Variants in CDC73 observed in about 807,000 individuals in gnomAD.
CDC73 encodes the protein parafibromin.
CDC73 carries 21 observed loss-of-function variants against 83.7 expected under a neutral mutation model. The ratio of observed to expected loss-of-function variants is 0.25; its 90% CI spans 0.18 to 0.36. The LOEUF is 0.36. CDC73 is among the 10% of genes least tolerant of loss of function. The pLI is 1.00. For synonymous variants in CDC73, 224 were observed against 212.9 expected, an observed-to-expected ratio of 1.05 and a Z score of -0.45; for missense variants, 342 against 653.3, an observed-to-expected ratio of 0.52 and a Z score of 5.19.
At position 193,181,196 on chromosome 1, in the gene CDC73, A is replaced by C. The variant is rs41265203; in HGVS notation, c.973-22599A>C. ...GGATGTCCAGTACCTTTTTCATTGTAAATACTTCCATTGGCACTAAGTGTA... is the reference window on the plus strand; with the variant it reads ...GGATGTCCAGTACCTTTTTCATTGTCAATACTTCCATTGGCACTAAGTGTA... On this transcript the variant is annotated intron_variant, in intron 10 of 16. Transcript: ENST00000367435. 2.4e-3 allele frequency: 3,843 copies of C among 1,613,784 alleles called. 6 individuals are homozygous for C. The highest frequency in any genetic ancestry group is 3.0e-3 in the Non-Finnish European group (3,498 of 1,179,874).
At chr1:193,168,086 C>T (rs953114864) in intron 10 of CDC73, among the ~76,000 whole-genome samples, 2 of 152,024 alleles carry the variant, frequency 1.3e-5, no homozygotes, top group African/African-American at 2.4e-5. Context: ...GTCCCAAACT[C>T]CTGACCTCAA....
At chr1:193,177,072 C>T (rs1420429307) in intron 10 of CDC73, among the ~76,000 whole-genome samples, 3 of 151,954 alleles carry the variant, frequency 2.0e-5, no homozygotes, top group African/African-American at 7.3e-5. Context: ...AGGTGCCCCT[C>T]CAGTGTGTGA....
At chr1:193,210,900 G>T (rs1245719420) in intron 11 of CDC73, among the ~76,000 whole-genome samples, 1 of 152,060 alleles carries the variant, frequency 6.6e-6, no homozygotes, top group African/African-American at 2.4e-5. Flanking sequence ...AAAAATAAAA[G>T]GAATCTTTTA....
At chr1:193,218,228 A>G (rs1230969698) in intron 13 of CDC73, among the ~76,000 whole-genome samples, 2 of 152,180 alleles carry the variant, frequency 1.3e-5, no homozygotes, top group East Asian at 1.9e-4. Context: ...GATCTCTACA[A>G]TGAGAATTAC....
intron 13 of CDC73, among the ~76,000 whole-genome samples, chr1:193,225,113 T>TA (rs1677543807): frequency 6.6e-6 from 1 of 151,974 alleles, no homozygotes; most frequent in African/African-American, 2.4e-5. Flanking sequence ...AGCTCCCACT[T>TA]ACAAATGAGA....
At chr1:193,202,743 GA>G (rs1477432614) in intron 10 of CDC73, among the ~76,000 whole-genome samples, 8 of 151,218 alleles carry the variant, frequency 5.3e-5, no homozygotes, top group African/African-American at 1.9e-4. Context: ...GTATTGAAGT[GA>G]AAGTCTTTTT....
chr1:193,169,684 G>C (rs1371719331), intron 10 of CDC73, among the ~76,000 whole-genome samples: 3 of 152,156 alleles, frequency 2.0e-5, no homozygotes, highest in African/African-American at 7.2e-5. Context: ...TGATGAATTT[G>C]GATTTTATAA....
chr1:193,161,139 A>G (rs1460740591), intron 10 of CDC73: 1 of 175,872 alleles, frequency 5.7e-6, no homozygotes, highest in East Asian at 9.7e-5. Context: ...TTCTTGATGG[A>G]TGTTTCTTTT....
intron 10 of CDC73, among the ~76,000 whole-genome samples, chr1:193,194,545 A>G (rs1000195192): frequency 6.6e-6 from 1 of 152,166 alleles, no homozygotes; most frequent in African/African-American, 2.4e-5. Context: ...TGCCAGTTTT[A>G]AATGAACATA....
At chr1:193,210,974 A>G (rs1481078441) in intron 11 of CDC73, among the ~76,000 whole-genome samples, 1 of 152,206 alleles carries the variant, frequency 6.6e-6, no homozygotes, top group South Asian at 2.1e-4. Context: ...CGCACTTCGC[A>G]CAGTAGTATT....
At chr1:193,173,374 CT>C (rs912276717) in intron 10 of CDC73, among the ~76,000 whole-genome samples, 1 of 151,916 alleles carries the variant, frequency 6.6e-6, no homozygotes, top group African/African-American at 2.4e-5. Flanking sequence ...CCACCTCTTC[CT>C]TTTTTTTCTA....
intron 13 of CDC73, among the ~76,000 whole-genome samples, chr1:193,213,700 AT>A: frequency 6.6e-6 from 1 of 152,254 alleles, no homozygotes; most frequent in East Asian, 1.9e-4. Context: ...TGATTATTTA[AT>A]TTTGGTATTT....
At chr1:193,187,221 G>T (rs1676829537) in intron 10 of CDC73, among the ~76,000 whole-genome samples, 1 of 149,700 alleles carries the variant, frequency 6.7e-6, no homozygotes, top group African/African-American at 2.5e-5. Context: ...GTTCTTGATG[G>T]CAGAAAACTT....
intron 13 of CDC73, among the ~76,000 whole-genome samples, chr1:193,231,192 T>G (rs970304290): frequency 6.6e-6 from 1 of 152,190 alleles, no homozygotes; most frequent in Admixed American, 6.5e-5. Context: ...TAAGTAATTT[T>G]GTACAAGTAA....
At chr1:193,183,821 T>C (rs148527808) in intron 10 of CDC73, among the ~76,000 whole-genome samples, 1,855 of 152,038 alleles carry the variant, frequency 0.012, 19 homozygotes, top group South Asian at 0.034. Context: ...GATATGATAA[T>C]ACTTGGAATC....
At chr1:193,140,256 T>C (rs538006386) in intron 6 of CDC73, among the ~76,000 whole-genome samples, 1 of 152,316 alleles carries the variant, frequency 6.6e-6, no homozygotes, top group South Asian at 2.1e-4. Context: ...AACCATTGTT[T>C]TATGTATTTT....
In CDC73 at chr1:193,150,327, G is replaced by A. The variant is rs773602413; in HGVS notation, c.852G>A (p.Gln284=). ...APVDPTLRTK[Q]PIPAAYNRYD... is the part of the protein sequence containing the mutation. ...AGGATCCCACTTTGCGCACCAAACA[G>A]CCTATCCCAGCTGCCTATAACAGAT... The change falls in exon 9 of 17, where the codon CAG becomes CAA. Residue 284 remains glutamine (Q), a synonymous_variant. Transcript: ENST00000367435. The A allele has an allele frequency of 5.0e-6, 8 of 1,612,798 alleles. No homozygotes were observed. Among genetic ancestry groups the A allele is most frequent in the Middle Eastern group, 1.6e-4 (1 of 6,080 alleles).
In CDC73 at chr1:193,233,029, T is replaced by C. The variant is rs1324504834; in HGVS notation, c.1191T>C (p.Cys397=). 1 of 1,613,990 alleles carries C rather than the reference T, an allele frequency of 6.2e-7. No individual in the cohort carries two copies. Among genetic ancestry groups the C allele is most frequent in the Non-Finnish European group, 8.5e-7 (1 of 1,179,858 alleles). The change falls in exon 14 of 17, where the codon TGT becomes TGC. Residue 397 remains cysteine, a synonymous_variant. Transcript: ENST00000367435. ...VPSDEKKKQG[C]QRENETLIQR... is the part of the protein sequence containing the mutation. ...CAGATGAAAAGAAGAAACAAGGTTG[T>C]CAACGAGAAAATGAAACTCTAATAC...
chr1:193,144,401 T>C (rs1488095842), intron 7 of CDC73, among the ~76,000 whole-genome samples: 1 of 152,010 alleles, frequency 6.6e-6, no homozygotes, highest in African/African-American at 2.4e-5. Flanking sequence ...TGATTAATTC[T>C]TCTTTATTTT....
Sources: allele counts gnomAD v4.1 joint callset (sites outside exome capture counted in the v4.1 genomes callset), GRCh38; gene constraint gnomAD v4.1.1; transcripts MANE v1.5; gene names NCBI Gene and HGNC (gene_info 2026-07-23, HGNC 2026-07-21).